Variants in HK2 observed in about 807,000 individuals in gnomAD.
The protein encoded by HK2 is hexokinase 2, also known as hexokinase-2.
In HK2, 42 loss-of-function variants were observed where a neutral mutation model predicts 92.9. The ratio of observed to expected loss-of-function variants is 0.45; its 90% CI spans 0.35 to 0.58. The LOEUF (loss-of-function observed/expected upper bound fraction) is 0.58. Ranked by LOEUF, HK2 falls within the 20% of genes least tolerant of loss-of-function variation. HK2 has a pLI of 0.00. For synonymous variants in HK2, 422 were observed against 468.0 expected, an observed-to-expected ratio of 0.90 and a Z score of 1.27; for missense variants, 978 against 1,245.1, an observed-to-expected ratio of 0.79 and a Z score of 3.23.
chr2:74,868,055 GC>G, intron 3 of HK2: 1 of 446,486 alleles, frequency 2.2e-6, no homozygotes, highest in Non-Finnish European at 4.2e-6. Flanking sequence ...CACATCTCGG[GC>G]CTCAGGGCTT....
At chr2:74,856,990 C>T (rs180988340) in intron 2 of HK2, among the ~76,000 whole-genome samples, 2 of 152,310 alleles carry the variant, frequency 1.3e-5, no homozygotes, top group Non-Finnish European at 2.9e-5. Context: ...GGCAAGCTTT[C>T]AAAATTCTCA....
At chr2:74,889,548 C>CT in intron 17 of HK2, 70 bp downstream of exon 17, 1 of 1,049,038 alleles carries the variant, frequency 9.5e-7, no homozygotes, top group South Asian at 1.4e-5. Context: ...TTCTTTCTCT[C>CT]TTTCCTTTGT....
intron 1 of HK2, among the ~76,000 whole-genome samples, chr2:74,843,278 C>A (rs57135986): frequency 0.011 from 1,634 of 152,216 alleles, 29 homozygotes; most frequent in African/African-American, 0.037. Context: ...TGAGTGTGTT[C>A]CTTCCTGCTG....
intron 1 of HK2, among the ~76,000 whole-genome samples, chr2:74,841,200 G>T (rs1219585455): frequency 6.6e-6 from 1 of 151,910 alleles, no homozygotes; most frequent in Non-Finnish European, 1.5e-5. Context: ...TCAAGTAGGA[G>T]TGATTTTATA....
chr2:74,850,636 G>A (rs933004249), intron 1 of HK2, among the ~76,000 whole-genome samples: 2 of 152,120 alleles, frequency 1.3e-5, no homozygotes, highest in Non-Finnish European at 2.9e-5. Context: ...CTTTGGGCCT[G>A]GTGCTCCCTC....
intron 1 of HK2, among the ~76,000 whole-genome samples, chr2:74,837,236 G>A (rs199529879): frequency 2.2e-5 from 2 of 89,078 alleles, no homozygotes; most frequent in Admixed American, 1.3e-4. Flanking sequence ...GCTGGGAATC[G>A]AAGCCATGCA....
intron 2 of HK2, among the ~76,000 whole-genome samples, chr2:74,861,948 C>T (rs563492465): frequency 1.3e-4 from 20 of 152,168 alleles, no homozygotes; most frequent in Non-Finnish European, 2.5e-4. Flanking sequence ...TTCTTCACCT[C>T]GGAATTGTGA....
chr2:74,849,687 A>T (rs922904394), intron 1 of HK2, among the ~76,000 whole-genome samples: 3 of 152,208 alleles, frequency 2.0e-5, no homozygotes, highest in African/African-American at 7.2e-5. Flanking sequence ...AAGCTTTAGA[A>T]GAAAGAAGGG....
chr2:74,858,911 A>T (rs1402101679), intron 2 of HK2, among the ~76,000 whole-genome samples: 2 of 152,232 alleles, frequency 1.3e-5, no homozygotes, highest in Non-Finnish European at 2.9e-5. Context: ...TTCAAGGTAA[A>T]TCGTGAAGTA....
At chr2:74,839,435 G>A (rs1688251724) in intron 1 of HK2, among the ~76,000 whole-genome samples, 1 of 152,104 alleles carries the variant, frequency 6.6e-6, no homozygotes, top group African/African-American at 2.4e-5. Context: ...AACTGACATT[G>A]ACAGGTACAA....
rs1176909537 is a variant in HK2 at position 74,892,629 on chromosome 2, T to C, written c.*1688T>C. 3.3e-5 allele frequency: 5 copies of C among 152,188 alleles called. No individual in the cohort carries two copies. The highest frequency in any genetic ancestry group is 1.5e-5 in the Non-Finnish European group (1 of 68,034). The allele number at this position is 152,188 out of a possible 1,614,324, so 9.4% of individuals were successfully genotyped here. On this transcript the variant is annotated 3_prime_UTR_variant, in exon 18 of 18. Transcript: ENST00000290573. ...GGATACTATATGATAAAGAGGGATG[T>C]AACTATTGAATTGGATACAAGGATC...
chr2:74,892,973 G>C lies in HK2; in HGVS notation c.*2032G>C, dbSNP rs1689717009. The stretch of plus-strand genomic sequence containing the variant: ...TTCACTAAAGGGTGCCCACAAAATA[G>C]AGATTAATTTTAACTTAAATTTTAA... On this transcript the variant is annotated 3_prime_UTR_variant, in exon 18 of 18. Coordinates refer to ENST00000290573, the MANE Select transcript of HK2 (RefSeq NM_000189.5). The C allele has an allele frequency of 6.6e-6, 1 of 151,668 alleles. No homozygotes were observed. The highest frequency in any genetic ancestry group is 2.4e-5 in the African/African-American group (1 of 41,258). 9.4% of individuals were successfully genotyped at this position (151,668 alleles called of 1,614,324 possible). A position where few individuals can be genotyped will look rare whatever the true frequency, so the allele number is the denominator to read the frequency against.
chr2:74,851,154 C>T (rs910262911), intron 1 of HK2, among the ~76,000 whole-genome samples: 2 of 152,234 alleles, frequency 1.3e-5, no homozygotes, highest in Admixed American at 6.5e-5. Flanking sequence ...GGGTGGCTGT[C>T]CTGACGGCCT....
At position 74,836,941 on chromosome 2, in the gene HK2, G is replaced by A. The variant is rs143557049; in HGVS notation, c.63+2298G>A. On this transcript the variant is annotated intron_variant, in intron 1 of 17. Coordinates refer to ENST00000290573, the MANE Select transcript of HK2 (RefSeq NM_000189.5). ...GTAGTCTGAGGACGTGGAAGGCTTG[G>A]GTTCACCTGCCCAACGAGGTCACTT... Among the ~76,000 whole-genome samples the A allele has an allele frequency of 1.8e-4, 27 of 152,288 alleles. No homozygotes were observed. In the East Asian group the frequency reaches 4.8e-3, roughly 27 times the overall value.
At position 74,872,417 on chromosome 2, in the gene HK2, G is replaced by A. The variant is rs1284991514; in HGVS notation, c.493G>A (p.Glu165Lys). The A allele has an allele frequency of 5.0e-6, 8 of 1,613,756 alleles. No individual in the cohort carries two copies. The highest frequency in any genetic ancestry group is 1.7e-5 in the Admixed American group (1 of 60,010). Reference sequence around the variant, plus strand: ...CCCCTGCCACCAGACTAAACTAGACGAGGTAAGATGGGCTCCTCAGACACT... The same window carrying A: ...CCCCTGCCACCAGACTAAACTAGACAAGGTAAGATGGGCTCCTCAGACACT... Reference protein sequence around the residue: ...SFPCHQTKLDESFLVSWTKGF... With the variant: ...SFPCHQTKLDKSFLVSWTKGF... The change falls in exon 4 of 18, where the codon GAG (glutamate) becomes AAG (lysine). Residue 165 changes from glutamate (E) to lysine (K), a missense_variant and splice_region_variant. By Grantham distance (56) the Glu-to-Lys change is moderately conservative. Transcript: ENST00000290573.
chr2:74,872,465 G>A, intron 4 of HK2, 46 bp downstream of exon 4: 1 of 1,612,166 alleles, frequency 6.2e-7, no homozygotes, highest in South Asian at 1.1e-5. Flanking sequence ...CTTGGGGCTG[G>A]GAGGGCTGAG....
At chr2:74,835,657 A>G (rs1204793200) in intron 1 of HK2, among the ~76,000 whole-genome samples, 1 of 152,086 alleles carries the variant, frequency 6.6e-6, no homozygotes, top group Non-Finnish European at 1.5e-5. Flanking sequence ...GCGCGCTCAG[A>G]ATTGAGTTTC....
At chr2:74,872,915 C>A (rs921308331) in intron 4 of HK2, among the ~76,000 whole-genome samples, 2 of 152,182 alleles carry the variant, frequency 1.3e-5, no homozygotes, top group African/African-American at 4.8e-5. Flanking sequence ...CCTGTTAACT[C>A]CTAGGCCACA....
intron 1 of HK2, among the ~76,000 whole-genome samples, chr2:74,844,677 G>A (rs1688395408): frequency 1.3e-5 from 2 of 152,208 alleles, no homozygotes; most frequent in Non-Finnish European, 2.9e-5. Context: ...TCTGGTCCCT[G>A]GCCTGGGGCT....
Sources: allele counts gnomAD v4.1 joint callset (sites outside exome capture counted in the v4.1 genomes callset), GRCh38; gene constraint gnomAD v4.1.1; transcripts MANE v1.5; gene names NCBI Gene and HGNC (gene_info 2026-07-23, HGNC 2026-07-21).